The following CDH12 variants were observed in gnomAD, a reference collection of about 807,000 sequenced individuals.
The protein encoded by CDH12 is cadherin 12, also known as cadherin-12.
A neutral mutation model predicts 74.1 loss-of-function variants in CDH12; 41 were observed. The ratio of observed to expected loss-of-function variants is 0.55; its 90% confidence interval spans 0.43 to 0.72. The LOEUF is 0.72. Ranked by LOEUF, CDH12 falls within the 30% of genes least tolerant of loss-of-function variation. The pLI is 0.00. For missense variants in CDH12, 945 were observed against 977.2 expected (o/e 0.97, Z 0.44); for synonymous variants, 399 against 355.0 (o/e 1.12, Z -1.39).
chr5:22,798,746 C>G (rs1334027530), intron 1 of CDH12, among the ~76,000 whole-genome samples: 1 of 152,032 alleles, frequency 6.6e-6, no homozygotes, highest in Non-Finnish European at 1.5e-5. Context: ...AACCCTTTAT[C>G]AAGTAATTAT....
intron 1 of CDH12, among the ~76,000 whole-genome samples, chr5:22,545,112 A>G (rs1398422494): frequency 6.6e-6 from 1 of 152,180 alleles, no homozygotes; most frequent in Non-Finnish European, 1.5e-5. Flanking sequence ...TTTGAGGTGG[A>G]TATTTGTGCA....
rs1053423017 is a variant in CDH12, at chr5:22,615,998, T to G, written c.-522-110634A>C. ...GGCAAGGCTTTAAGAAAGATAGATC[T>G]GCTTCTCACTGCCTTAAACTGATGA... On this transcript the variant is annotated intron_variant, in intron 1 of 14. Coordinates refer to ENST00000382254, the MANE Select transcript of CDH12 (RefSeq NM_004061.5). Among the ~76,000 whole-genome samples, 6 of 152,146 alleles carry G rather than the reference T, an allele frequency of 3.9e-5. No homozygotes were observed. The East Asian group carries it at 1.2e-3, about 29-fold the overall frequency.
intron 6 of CDH12, among the ~76,000 whole-genome samples, chr5:21,940,901 A>G (rs865776868): frequency 2.0e-5 from 3 of 152,066 alleles, no homozygotes; most frequent in Admixed American, 1.3e-4. Context: ...TTGGAAAAAA[A>G]TCACAAAAAG....
intron 5 of CDH12, among the ~76,000 whole-genome samples, chr5:22,009,044 G>T (rs1355186069): frequency 6.6e-6 from 1 of 152,184 alleles, no homozygotes; most frequent in Non-Finnish European, 1.5e-5. Context: ...CTTGTTTACT[G>T]TCTCACACTT....
At chr5:22,824,159 T>G (rs1749879452) in intron 1 of CDH12, among the ~76,000 whole-genome samples, 1 of 152,170 alleles carries the variant, frequency 6.6e-6, no homozygotes, top group African/African-American at 2.4e-5. Flanking sequence ...TTTCAATTCA[T>G]GTAGAGAAAA....
At chr5:22,266,893 G>A (rs1025346171) in intron 3 of CDH12, among the ~76,000 whole-genome samples, 9 of 152,072 alleles carry the variant, frequency 5.9e-5, no homozygotes, top group Non-Finnish European at 8.8e-5. Flanking sequence ...TTTGTCAAAT[G>A]CAATTTGAAT....
intron 1 of CDH12, among the ~76,000 whole-genome samples, chr5:22,752,717 G>T (rs1472341213): frequency 7.5e-6 from 1 of 134,112 alleles, no homozygotes; most frequent in Admixed American, 7.5e-5. Flanking sequence ...GACTACAGGC[G>T]CCCGCCACTA....
intron 3 of CDH12, among the ~76,000 whole-genome samples, chr5:22,383,123 G>A (rs908657366): frequency 2.6e-5 from 4 of 152,150 alleles, no homozygotes; most frequent in African/African-American, 9.7e-5. Flanking sequence ...GAGCCACTGC[G>A]CCCAGTCTCG....
chr5:22,458,639 A>T (rs1745384462), intron 2 of CDH12, among the ~76,000 whole-genome samples: 1 of 152,190 alleles, frequency 6.6e-6, no homozygotes, highest in African/African-American at 2.4e-5. Context: ...AAAGAGTAAC[A>T]TCACAAAATT....
At chr5:22,692,926 A>G (rs538898741) in intron 1 of CDH12, among the ~76,000 whole-genome samples, 2 of 152,106 alleles carry the variant, frequency 1.3e-5, no homozygotes, top group East Asian at 3.9e-4. Flanking sequence ...CAGATTTTCT[A>G]TTAAAGTTGG....
intron 2 of CDH12, among the ~76,000 whole-genome samples, chr5:22,473,086 G>T (rs1415780240): frequency 6.6e-6 from 1 of 151,930 alleles, no homozygotes; most frequent in African/African-American, 2.4e-5. Context: ...AATGAGCTTT[G>T]GGCATTCCAT....
chr5:21,882,626 G>A, intron 6 of CDH12: 2 of 1,605,934 alleles, frequency 1.2e-6, no homozygotes, highest in Non-Finnish European at 1.7e-6. Context: ...GATGAGACCA[G>A]TGTCCAGGGT....
chr5:21,780,696 A>G (rs552532507), intron 11 of CDH12, among the ~76,000 whole-genome samples: 1 of 152,274 alleles, frequency 6.6e-6, no homozygotes, highest in East Asian at 1.9e-4. Flanking sequence ...CATTTATTGT[A>G]TCCCCACCAC....
chr5:21,870,121 T>C (rs1435717187), intron 6 of CDH12, among the ~76,000 whole-genome samples: 2 of 152,212 alleles, frequency 1.3e-5, no homozygotes, highest in African/African-American at 2.4e-5. Context: ...AGTGACTTGC[T>C]CCTCTTTGCC....
At chr5:21,777,450 A>C (rs973144308) in intron 11 of CDH12, among the ~76,000 whole-genome samples, 11 of 152,136 alleles carry the variant, frequency 7.2e-5, no homozygotes, top group Non-Finnish European at 1.0e-4. Flanking sequence ...ATTGCAAATA[A>C]AAATATTTAG....
chr5:22,147,208 A>G lies in CDH12; in HGVS notation c.-187+65290T>C, dbSNP rs376320048. On this transcript the variant is annotated intron_variant, in intron 4 of 14. Transcript: ENST00000382254. ...AATTAATTTCCAGGACCATTTTCTT[A>G]GTGAACTAATGCCATTTGATCAACA... 3.2e-4 allele frequency among the ~76,000 whole-genome samples: 48 copies of G among 152,290 alleles called. 1 individual carries two copies. The South Asian group carries it at 9.7e-3, about 31-fold the overall frequency.
At chr5:22,396,326 C>T (rs1294116678) in intron 3 of CDH12, among the ~76,000 whole-genome samples, 3 of 152,148 alleles carry the variant, frequency 2.0e-5, no homozygotes, top group Middle Eastern at 3.4e-3. Context: ...CAAAATTTCT[C>T]CAGTTACTCC....
chr5:21,902,190 T>A (rs1208497434), intron 6 of CDH12, among the ~76,000 whole-genome samples: 1 of 151,904 alleles, frequency 6.6e-6, no homozygotes, highest in African/African-American at 2.4e-5. Context: ...TTGCAAGTGA[T>A]AAACAAAGGT....
chr5:22,393,066 C>T (rs945315944), intron 3 of CDH12, among the ~76,000 whole-genome samples: 18 of 152,034 alleles, frequency 1.2e-4, no homozygotes, highest in African/African-American at 4.1e-4. Context: ...AAACTGGGAA[C>T]GTCACTTCTT....
Sources: allele counts gnomAD v4.1 joint callset (sites outside exome capture counted in the v4.1 genomes callset), GRCh38; gene constraint gnomAD v4.1.1; transcripts MANE v1.5; gene names NCBI Gene and HGNC (gene_info 2026-07-23, HGNC 2026-07-21).